SLC31A1: variants seen among roughly 807,000 people sequenced by gnomAD.
SLC31A1 encodes the protein solute carrier family 31 member 1, also known as high affinity copper uptake protein 1.
SLC31A1 carries 5 observed loss-of-function variants against 17.2 expected under a neutral mutation model. The ratio of observed to expected loss-of-function variants is 0.29; its 90% CI spans 0.15 to 0.61. The LOEUF (loss-of-function observed/expected upper bound fraction) is 0.61. Among genes scored for constraint, SLC31A1 ranks in the 20% least tolerant of loss-of-function variants. SLC31A1 has a pLI of 0.86. For missense variants in SLC31A1, 161 were observed against 241.4 expected, an observed-to-expected ratio of 0.67 and a Z score of 2.21; for synonymous variants, 76 against 78.8, an observed-to-expected ratio of 0.96 and a Z score of 0.19.
intron 3 of SLC31A1, among the ~76,000 whole-genome samples, 163 bp downstream of exon 3, chr9:113,257,348 C>T (rs1175743647): frequency 6.6e-6 from 1 of 151,996 alleles, no homozygotes; most frequent in Non-Finnish European, 1.5e-5. Flanking sequence ...GTAGGAAACA[C>T]AGTACTTTTT....
chr9:113,245,622 C>T (rs930997997), intron 1 of SLC31A1, among the ~76,000 whole-genome samples: 1 of 152,014 alleles, frequency 6.6e-6, no homozygotes, highest in African/African-American at 2.4e-5. Flanking sequence ...ACTATTTTGG[C>T]CTAGAATGCC....
At chr9:113,255,938 A>C (rs983317520) in intron 1 of SLC31A1, 176 bp from the exon 2 acceptor site, 1 of 366,848 alleles carries the variant, frequency 2.7e-6, no homozygotes, top group Admixed American at 4.0e-5. Context: ...GAACCAGCCT[A>C]GATCAGAAAT....
intron 1 of SLC31A1, among the ~76,000 whole-genome samples, chr9:113,222,508 G>A (rs1831293402): frequency 6.6e-6 from 1 of 152,202 alleles, no homozygotes; most frequent in African/African-American, 2.4e-5. Context: ...TGGCTAAGGA[G>A]ATAGTGTCCC....
At chr9:113,242,304 G>A (rs1831530724) in intron 1 of SLC31A1, among the ~76,000 whole-genome samples, 1 of 152,250 alleles carries the variant, frequency 6.6e-6, no homozygotes, top group Non-Finnish European at 1.5e-5. Context: ...CAGAAAAGTG[G>A]GGGATGTGTT....
rs568850129 is a variant in SLC31A1 at position 113,230,409 on chromosome 9, C to T, written c.-36+8731C>T. On this transcript the variant is annotated intron_variant, in intron 1 of 4. Transcript: ENST00000374212. ...TATAGCTGAGACTACAGGCATGCAT[C>T]TCCACGCCTGGCTACTTTTCTTGAT... Among the ~76,000 whole-genome samples the T allele has an allele frequency of 2.6e-5, 4 of 152,270 alleles. No individual in the cohort carries two copies. The East Asian group carries it at 7.7e-4, about 29-fold the overall frequency.
At chr9:113,237,651 C>T (rs1831476658) in intron 1 of SLC31A1, among the ~76,000 whole-genome samples, 1 of 152,182 alleles carries the variant, frequency 6.6e-6, no homozygotes, top group African/African-American at 2.4e-5. Context: ...GCCCTGTGAC[C>T]TTGGCTAGCC....
At chr9:113,228,308 G>A (rs981427137) in intron 1 of SLC31A1, among the ~76,000 whole-genome samples, 1 of 152,166 alleles carries the variant, frequency 6.6e-6, no homozygotes, top group Non-Finnish European at 1.5e-5. Context: ...CCTGTAAGAG[G>A]AGCATGAAAG....
At chr9:113,243,203 C>G (rs2118999850) in intron 1 of SLC31A1, among the ~76,000 whole-genome samples, 1 of 152,204 alleles carries the variant, frequency 6.6e-6, no homozygotes, top group South Asian at 2.1e-4. Context: ...TATATGTCAC[C>G]TGTGTCCTCT....
intron 1 of SLC31A1, among the ~76,000 whole-genome samples, chr9:113,232,703 G>A (rs972025583): frequency 2.0e-5 from 3 of 151,590 alleles, no homozygotes; most frequent in Admixed American, 6.6e-5. Context: ...AACTAGTCAG[G>A]TGTGGTGGCG....
intron 1 of SLC31A1, among the ~76,000 whole-genome samples, chr9:113,234,334 G>A (rs1402090400): frequency 6.6e-6 from 1 of 151,574 alleles, no homozygotes; most frequent in South Asian, 2.1e-4. Flanking sequence ...CTACCGCTAC[G>A]TCCAGCTAAT....
intron 1 of SLC31A1, among the ~76,000 whole-genome samples, chr9:113,253,956 G>GTATTT (rs1279375325): frequency 3.5e-5 from 3 of 86,116 alleles, no homozygotes; most frequent in African/African-American, 4.7e-5. Flanking sequence ...CCTACCCACA[G>GTATTT]TCTTTTTTTT....
At chr9:113,256,447 C>T in intron 2 of SLC31A1, 170 bp downstream of exon 2, 1 of 668,162 alleles carries the variant, frequency 1.5e-6, no homozygotes, top group Non-Finnish European at 2.4e-6. Context: ...ATGTGGCAAG[C>T]TACTTACAGA....
In SLC31A1 at chr9:113,227,585, A is replaced by G. The variant is rs1388230849; in HGVS notation, c.-36+5907A>G. ...GCATTCTTGTACTGCATTTTCATTAAATCATTCAAGTTCCTTTTATCTTGT... is the reference window on the plus strand; with the variant it reads ...GCATTCTTGTACTGCATTTTCATTAGATCATTCAAGTTCCTTTTATCTTGT... On this transcript the variant is annotated intron_variant, in intron 1 of 4. Coordinates refer to ENST00000374212, the MANE Select transcript of SLC31A1 (RefSeq NM_001859.4). The G allele has an allele frequency of 9.9e-5, 15 of 152,150 alleles. 1 individual carries two copies. Among genetic ancestry groups the G allele is most frequent in the Admixed American group, 9.8e-4 (15 of 15,272 alleles). The allele number at this position is 152,150 out of a possible 1,614,324, so 9.4% of individuals were successfully genotyped here.
At chr9:113,225,777 C>T (rs1831333310) in intron 1 of SLC31A1, among the ~76,000 whole-genome samples, 1 of 152,188 alleles carries the variant, frequency 6.6e-6, no homozygotes, top group Non-Finnish European at 1.5e-5. Flanking sequence ...AGAGACTCAT[C>T]TCTACTGTTA....
intron 1 of SLC31A1, chr9:113,227,358 T>A (rs1241140477): frequency 6.6e-6 from 1 of 152,138 alleles, no homozygotes; most frequent in Non-Finnish European, 1.5e-5. Flanking sequence ...GCTCAAGCAA[T>A]CTTCCCATCT....
At chr9:113,246,259 G>C (rs1324576181) in intron 1 of SLC31A1, among the ~76,000 whole-genome samples, 1 of 151,916 alleles carries the variant, frequency 6.6e-6, no homozygotes. Context: ...TGCCCAGCCT[G>C]GTATCAAACT....
At chr9:113,232,688 A>C (rs1459778151) in intron 1 of SLC31A1, among the ~76,000 whole-genome samples, 3 of 151,170 alleles carry the variant, frequency 2.0e-5, no homozygotes, top group Admixed American at 6.6e-5. Flanking sequence ...AAAAAAAAAA[A>C]AAAAAACTAG....
chr9:113,222,556 T>C (rs946738751), intron 1 of SLC31A1, among the ~76,000 whole-genome samples: 3 of 152,222 alleles, frequency 2.0e-5, no homozygotes, highest in African/African-American at 7.2e-5. Flanking sequence ...TTCTTGGGCT[T>C]CCCCTCACAG....
At chr9:113,222,268 CTGGCGGT>C (rs1831287578) in intron 1 of SLC31A1, among the ~76,000 whole-genome samples, 3 of 152,158 alleles carry the variant, frequency 2.0e-5, no homozygotes, top group Admixed American at 2.0e-4. Context: ...CTAAGATATT[CTGGCGGT>C]GGGTGATGGA....
Sources: allele counts gnomAD v4.1 joint callset (sites outside exome capture counted in the v4.1 genomes callset), GRCh38; gene constraint gnomAD v4.1.1; transcripts MANE v1.5; gene names NCBI Gene and HGNC (gene_info 2026-07-23, HGNC 2026-07-21).